Variants in ACBD3 observed in about 807,000 individuals in gnomAD.
ACBD3 encodes Golgi resident protein GCP60.
Under a neutral mutation model 66.9 loss-of-function variants are expected in ACBD3, and 30 were observed. The observed-to-expected ratio is 0.45, with a 90% CI of 0.34 to 0.61. The LOEUF (loss-of-function observed/expected upper bound fraction) is 0.61, where lower values mean the gene tolerates loss of function less well. ACBD3 is among the 20% of genes least tolerant of loss of function. The pLI is 0.02. For missense variants in ACBD3, 544 were observed against 664.5 expected, an observed-to-expected ratio of 0.82 and a Z score of 1.99; for synonymous variants, 278 against 259.8, an observed-to-expected ratio of 1.07 and a Z score of -0.68.
Position 226,159,375 on chromosome 1 carries a change from T to C in ACBD3, c.729-17A>G. The C allele has an allele frequency of 1.2e-6, 2 of 1,612,502 alleles. No homozygotes were observed. The highest frequency in any genetic ancestry group is 1.1e-5 in the South Asian group (1 of 91,016). On this transcript the variant is annotated splice_polypyrimidine_tract_variant and intron_variant, in intron 4 of 7. Transcript: ENST00000366812. Reference sequence around the variant, plus strand: ...ATCTGCTGCCTAAAAACATTAAAAATATATATACTAGTCTGGCTACAGGAG... The same window carrying C: ...ATCTGCTGCCTAAAAACATTAAAAACATATATACTAGTCTGGCTACAGGAG...
chr1:226,186,100 A>G (rs1219675), intron 1 of ACBD3, among the ~76,000 whole-genome samples: 152,319 of 152,382 alleles, frequency 1, 76,128 homozygotes, highest in Non-Finnish European at 1. Flanking sequence ...TTCTTCCACC[A>G]GGGCTCCTGG....
At chr1:226,159,666 G>T (rs1339580782) in intron 4 of ACBD3, among the ~76,000 whole-genome samples, 2 of 152,098 alleles carry the variant, frequency 1.3e-5, no homozygotes, top group Admixed American at 1.3e-4. Context: ...ATGCAGTGTT[G>T]AAAGTACTCA....
At chr1:226,151,004 ATTAAAC>A (rs1018409580) in intron 7 of ACBD3, among the ~76,000 whole-genome samples, 4 of 152,340 alleles carry the variant, frequency 2.6e-5, no homozygotes, top group Non-Finnish European at 5.9e-5. Flanking sequence ...TAAATTGAAT[ATTAAAC>A]TTAATTTCAA....
In ACBD3 at chr1:226,165,805, A is replaced by G. The variant is rs1659866933; in HGVS notation, c.428+54T>C. The G allele has an allele frequency of 3.2e-6, 5 of 1,573,408 alleles. No individual in the cohort carries two copies. In the Admixed American group the frequency reaches 9.9e-5, roughly 31 times the overall value. On this transcript the variant is annotated intron_variant, in intron 2 of 7. Coordinates refer to ENST00000366812, the MANE Select transcript of ACBD3 (RefSeq NM_022735.4). Reference sequence around the variant, plus strand: ...TTACACCTTAACCAATACACATTGTACCCTTTGCCAACATTATCCTCATTA... The same window carrying G: ...TTACACCTTAACCAATACACATTGTGCCCTTTGCCAACATTATCCTCATTA...
rs1165482714 is a variant in ACBD3, at chr1:226,148,801, G to C, written c.1376-1980C>G. Among the ~76,000 whole-genome samples, 4 of 152,194 alleles carry C rather than the reference G, an allele frequency of 2.6e-5. No homozygotes were observed. In the East Asian group the frequency reaches 7.7e-4, roughly 29 times the overall value. On this transcript the variant is annotated intron_variant, in intron 7 of 7. Transcript: ENST00000366812. ...ACCATATGAAATACAAGACACGGTA[G>C]GACAGTAGCTTCTAAGGCATATGGA...
At chr1:226,185,782 A>G (rs1318066787) in intron 1 of ACBD3, among the ~76,000 whole-genome samples, 1 of 152,186 alleles carries the variant, frequency 6.6e-6, no homozygotes, top group African/African-American at 2.4e-5. Flanking sequence ...AAGTTACTAG[A>G]ACATAGTGGA....
chr1:226,170,113 T>A (rs980828311), intron 1 of ACBD3, among the ~76,000 whole-genome samples: 2 of 150,052 alleles, frequency 1.3e-5, no homozygotes, highest in Non-Finnish European at 3.0e-5. Context: ...GAAAAAAAGA[T>A]GTGGTGGGCC....
At chr1:226,169,965 G>A (rs752977119) in intron 1 of ACBD3, among the ~76,000 whole-genome samples, 4 of 143,114 alleles carry the variant, frequency 2.8e-5, no homozygotes, top group Non-Finnish European at 6.0e-5. Flanking sequence ...AGGTTGCAGC[G>A]AGCCTAAATC....
At chr1:226,166,636 C>T (rs1239521516) in intron 1 of ACBD3, among the ~76,000 whole-genome samples, 2 of 151,314 alleles carry the variant, frequency 1.3e-5, no homozygotes, top group African/African-American at 2.4e-5. Context: ...CAGGAGTATG[C>T]GCCATCATAC....
At chr1:226,161,401 G>T in intron 4 of ACBD3, 130 bp downstream of exon 4, 1 of 1,279,904 alleles carries the variant, frequency 7.8e-7, no homozygotes, top group Non-Finnish European at 1.1e-6. Flanking sequence ...CAGGTGATCT[G>T]CCCGCCTCCG....
chr1:226,181,932 T>C (rs1259065768), intron 1 of ACBD3, among the ~76,000 whole-genome samples: 1 of 152,158 alleles, frequency 6.6e-6, no homozygotes, highest in Non-Finnish European at 1.5e-5. Flanking sequence ...ATTGTTAAAA[T>C]AGAACTGGGC....
chr1:226,171,717 TCA>T (rs1043294975), intron 1 of ACBD3, among the ~76,000 whole-genome samples: 3 of 149,760 alleles, frequency 2.0e-5, no homozygotes, highest in African/African-American at 7.4e-5. Context: ...TTTGTATTTT[TCA>T]CAGAGATGGG....
At chr1:226,151,115 T>C (rs775745027) in intron 7 of ACBD3, among the ~76,000 whole-genome samples, 48 of 152,386 alleles carry the variant, frequency 3.1e-4, no homozygotes, top group Non-Finnish European at 6.0e-4. Flanking sequence ...GACAACTCTG[T>C]ACTTCACAAG....
chr1:226,156,082 C>T (rs1171756681), intron 5 of ACBD3, among the ~76,000 whole-genome samples: 49 of 152,220 alleles, frequency 3.2e-4, no homozygotes, highest in Non-Finnish European at 8.8e-5. Flanking sequence ...ATAAATTACA[C>T]AGCTTGATCA....
chr1:226,179,816 C>T (rs1656130554), intron 1 of ACBD3, among the ~76,000 whole-genome samples: 1 of 151,818 alleles, frequency 6.6e-6, no homozygotes, highest in Non-Finnish European at 1.5e-5. Context: ...TGAGATCGCA[C>T]CACTGCACTC....
intron 1 of ACBD3, among the ~76,000 whole-genome samples, chr1:226,171,548 ATTATT>A (rs1659992200): frequency 6.6e-6 from 1 of 151,598 alleles, no homozygotes; most frequent in African/African-American, 2.4e-5. Context: ...TTATTTATTT[ATTATT>A]TTGAGATGAA....
rs376968504 is a variant in ACBD3 at position 226,162,565 on chromosome 1, C to T, written c.570-876G>A. On this transcript the variant is annotated intron_variant, in intron 3 of 7. Coordinates refer to ENST00000366812, the MANE Select transcript of ACBD3 (RefSeq NM_022735.4). ...CAAGACCCTTCCAAAAAGAACAGAT[C>T]CTATTGTGCTAGGAATGGACATCTT... Among the ~76,000 whole-genome samples, 10 of 152,190 alleles carry T rather than the reference C, an allele frequency of 6.6e-5. No individual in the cohort carries two copies. The South Asian group carries it at 1.2e-3, about 19-fold the overall frequency.
Position 226,159,171 on chromosome 1 carries a change from T to G in ACBD3, c.903+13A>C. ...CTCTCTCTAAGGCTGAATTCTAGGG[T>G]TGTCTATCGTACCTGTTGCTGTGCA... On this transcript the variant is annotated intron_variant, in intron 5 of 7. Transcript: ENST00000366812. The G allele has an allele frequency of 6.2e-7, 1 of 1,613,212 alleles. No homozygotes were observed.
chr1:226,175,321 A>G (rs2102788283), intron 1 of ACBD3, among the ~76,000 whole-genome samples: 1 of 152,282 alleles, frequency 6.6e-6, no homozygotes, highest in South Asian at 2.1e-4. Context: ...AATAAAAACA[A>G]CAACAAAGGA....
Sources: gnomAD v4.1 joint callset for allele counts (sites outside exome capture counted in the v4.1 genomes callset) on GRCh38, gnomAD v4.1.1 for gene constraint, MANE v1.5 for transcripts, NCBI Gene and HGNC (gene_info 2026-07-23, HGNC 2026-07-21) for gene names.